The following KANK1 variants were observed in gnomAD, a reference collection of about 807,000 sequenced individuals.
KANK1 encodes KN motif and ankyrin repeat domain-containing protein 1.
A neutral mutation model predicts 106.2 loss-of-function variants in KANK1; 109 were observed. That is an observed-to-expected ratio of 1.03 (90% CI 0.88 to 1.20). The LOEUF is 1.20. Ranked by LOEUF, KANK1 falls within the 50% of genes most tolerant of loss-of-function variation. The probability of loss-of-function intolerance (pLI) is 0.00; values close to 1 mark genes in which losing one functional copy is unlikely to be tolerated. For missense variants in KANK1, 2,399 were observed against 1,710.7 expected (o/e 1.40, Z -7.10); for synonymous variants, 873 against 652.2 (o/e 1.34, Z -5.16).
chr9:744,500 A>G lies in KANK1; in HGVS notation c.3907A>G (p.Thr1303Ala), dbSNP rs1342865855. The G allele has an allele frequency of 2.5e-6, 4 of 1,613,968 alleles. No individual in the cohort carries two copies. Among genetic ancestry groups the G allele is most frequent in the Middle Eastern group, 1.7e-4 (1 of 6,060 alleles). ...TCCATCTTATCTTAAGGATGGCAGC[A>G]CTGCGCTCTCAATCGCCCTGGAAGC... ...NGHLEDNDGSTALSIALEAGH... is the reference protein window; with the variant it reads ...NGHLEDNDGSAALSIALEAGH... Residue 1303 changes from threonine to alanine, a missense_variant, in exon 11 of 12, where the codon ACT becomes GCT. Thr to Ala is a moderately conservative substitution (Grantham distance 58). Coordinates refer to ENST00000382297, the MANE Select transcript of KANK1 (RefSeq NM_015158.5).
At chr9:612,254 T>C (rs989437656) in intron 1 of KANK1, among the ~76,000 whole-genome samples, 9 of 152,190 alleles carry the variant, frequency 5.9e-5, no homozygotes, top group African/African-American at 1.9e-4. Context: ...AGACTGAGAA[T>C]GTGATTTTTG....
intron 1 of KANK1, among the ~76,000 whole-genome samples, chr9:506,700 A>G (rs1349026513): frequency 6.6e-6 from 1 of 152,248 alleles, no homozygotes; most frequent in Non-Finnish European, 1.5e-5. Flanking sequence ...GACTAGTTTC[A>G]TTTCATGAGT....
chr9:586,988 C>A (rs1823646974), intron 1 of KANK1, among the ~76,000 whole-genome samples: 1 of 152,162 alleles, frequency 6.6e-6, no homozygotes, highest in Non-Finnish European at 1.5e-5. Flanking sequence ...TTACATTTCC[C>A]TCAAAAACAT....
intron 1 of KANK1, among the ~76,000 whole-genome samples, chr9:633,873 A>C (rs561571181): frequency 6.6e-6 from 1 of 152,120 alleles, no homozygotes; most frequent in East Asian, 1.9e-4. Flanking sequence ...GCTGGGCCCA[A>C]CTCCTAGCTT....
chr9:574,824 C>G (rs1198215849), intron 1 of KANK1, among the ~76,000 whole-genome samples: 1 of 131,960 alleles, frequency 7.6e-6, no homozygotes, highest in East Asian at 2.2e-4. Flanking sequence ...CACTGCACTC[C>G]AACTTAGGTG....
At chr9:539,774 A>G (rs1216368261) in intron 1 of KANK1, 1 of 152,220 alleles carries the variant, frequency 6.6e-6, no homozygotes, top group Non-Finnish European at 1.5e-5. Context: ...GGTGTGAACC[A>G]TTGCACACGG....
chr9:742,444 G>T (rs761278458), intron 10 of KANK1, 39 bp downstream of exon 10: 1 of 1,537,646 alleles, frequency 6.5e-7, no homozygotes, highest in Non-Finnish European at 8.9e-7. Context: ...CAGGGGTCTG[G>T]GGGACTCTGG....
At chr9:739,477 T>G (rs920528582) in intron 8 of KANK1, among the ~76,000 whole-genome samples, 4 of 152,218 alleles carry the variant, frequency 2.6e-5, no homozygotes, top group African/African-American at 9.6e-5. Flanking sequence ...ATAAGTGTGT[T>G]TGTTCCCTCT....
intron 1 of KANK1, among the ~76,000 whole-genome samples, chr9:515,449 GT>G (rs941666403): frequency 1.3e-5 from 2 of 151,298 alleles, no homozygotes; most frequent in Non-Finnish European, 2.9e-5. Context: ...CATTTATTGT[GT>G]TTTTTTGTTT....
chr9:656,246 G>A (rs943453936), intron 1 of KANK1, among the ~76,000 whole-genome samples: 2 of 149,154 alleles, frequency 1.3e-5, no homozygotes. Context: ...AGACCTTGCT[G>A]TCAGAGCCTG....
intron 1 of KANK1, among the ~76,000 whole-genome samples, chr9:513,290 T>A (rs2059115697): frequency 6.6e-6 from 1 of 152,246 alleles, no homozygotes; most frequent in African/African-American, 2.4e-5. Flanking sequence ...TACAGACACA[T>A]GGTTGAGTTG....
At chr9:581,038 G>A (rs1452558161) in intron 1 of KANK1, among the ~76,000 whole-genome samples, 1 of 151,868 alleles carries the variant, frequency 6.6e-6, no homozygotes, top group Non-Finnish European at 1.5e-5. Flanking sequence ...ACTGCCCAGG[G>A]GCCGGCCGCT....
chr9:717,342 G>C (rs1291631168), intron 3 of KANK1, among the ~76,000 whole-genome samples: 1 of 152,146 alleles, frequency 6.6e-6, no homozygotes, highest in Non-Finnish European at 1.5e-5. Flanking sequence ...TAATAAAAGA[G>C]TTAAAGCCTC....
At chr9:531,370 G>A (rs532887729) in intron 1 of KANK1, among the ~76,000 whole-genome samples, 134 of 152,238 alleles carry the variant, frequency 8.8e-4, no homozygotes, top group Non-Finnish European at 1.7e-3. Flanking sequence ...GGTGGAGGCT[G>A]CAGTGAGCTG....
intron 2 of KANK1, chr9:686,735 T>C: frequency 1.0e-6 from 1 of 982,950 alleles, no homozygotes; most frequent in Non-Finnish European, 1.2e-6. Flanking sequence ...CAATGATTGT[T>C]ACCTATGAGC....
chr9:698,011 G>C (rs757447457), intron 2 of KANK1, among the ~76,000 whole-genome samples: 3 of 152,178 alleles, frequency 2.0e-5, no homozygotes, highest in Non-Finnish European at 2.9e-5. Context: ...CTGAAATTCA[G>C]CTTGTCAGAG....
In KANK1 at chr9:656,855, G is replaced by A. The variant is rs187798898; in HGVS notation, c.-83-20035G>A. On this transcript the variant is annotated intron_variant, in intron 1 of 11. Transcript: ENST00000382297. ...TGACCTTTAGTGTGACTGGAGCACCGTAAATGCTACTTCTACTTTTTTCCT... is the reference window on the plus strand; with the variant it reads ...TGACCTTTAGTGTGACTGGAGCACCATAAATGCTACTTCTACTTTTTTCCT... 3.3e-4 allele frequency among the ~76,000 whole-genome samples: 50 copies of A among 152,084 alleles called. 1 individual carries two copies. Among genetic ancestry groups the A allele is most frequent in the African/African-American group, 1.1e-3 (45 of 41,528 alleles).
rs142491204 is a variant in KANK1 at position 737,211 on chromosome 9, G to C, written c.3334-1074G>C. Among the ~76,000 whole-genome samples the C allele has an allele frequency of 6.0e-3, 914 of 152,226 alleles. 9 individuals are homozygous for C. The highest frequency in any genetic ancestry group is 0.021 in the African/African-American group (852 of 41,540). ...GTGACAACTCCAGAGAAACAGGAAT[G>C]TGAATATATACAGAAAAAAAAGGAC... On this transcript the variant is annotated intron_variant, in intron 7 of 11. Coordinates refer to ENST00000382297, the MANE Select transcript of KANK1 (RefSeq NM_015158.5).
At chr9:729,754 G>A (rs1831699004) in intron 3 of KANK1, among the ~76,000 whole-genome samples, 1 of 151,674 alleles carries the variant, frequency 6.6e-6, no homozygotes, top group South Asian at 2.1e-4. Flanking sequence ...GTGCCAGAGT[G>A]GAAGTAGTAA....
Sources: gnomAD v4.1 joint callset for allele counts (sites outside exome capture counted in the v4.1 genomes callset) on GRCh38, gnomAD v4.1.1 for gene constraint, MANE v1.5 for transcripts, NCBI Gene and HGNC (gene_info 2026-07-23, HGNC 2026-07-21) for gene names.